Variants in NRG1 observed in about 807,000 individuals in gnomAD.
NRG1 encodes pro-neuregulin-1, membrane-bound isoform.
In NRG1, 18 loss-of-function variants were observed where a neutral mutation model predicts 63.8. The ratio of observed to expected loss-of-function variants is 0.28; its 90% CI spans 0.19 to 0.42. The LOEUF (loss-of-function observed/expected upper bound fraction) is 0.42. NRG1 is among the 10% of genes least tolerant of loss of function. The pLI, the probability that NRG1 is intolerant of heterozygous loss-of-function variation, is 1.00. For synonymous variants in NRG1, 302 were observed against 301.3 expected (o/e 1.00, Z -0.02); for missense variants, 762 against 814.7 (o/e 0.94, Z 0.79).
intron 1 of NRG1, among the ~76,000 whole-genome samples, chr8:32,210,197 G>GT (rs1844548960): frequency 6.6e-6 from 1 of 151,972 alleles, no homozygotes; most frequent in Non-Finnish European, 1.5e-5. Context: ...ACCCAAAGAG[G>GT]TTTTTTTGTG....
chr8:32,548,847 G>A (rs368932384), intron 1 of NRG1, 21 bp downstream of exon 1: 29 of 1,542,876 alleles, frequency 1.9e-5, no homozygotes, highest in African/African-American at 2.7e-5. Context: ...AGCGCGGCCC[G>A]GGCCCCACGA....
In NRG1 at chr8:32,319,972, C is replaced by A. The variant is rs1366274146; in HGVS notation, c.38-275856C>A. Among the ~76,000 whole-genome samples the A allele has an allele frequency of 5.3e-5, 8 of 152,026 alleles. No homozygotes were observed. In the East Asian group the frequency reaches 1.5e-3, roughly 29 times the overall value. On this transcript the variant is annotated intron_variant, in intron 1 of 10. Transcript: ENST00000519301. ...ACAAAATATAGTGCGTGACCTTAGC[C>A]CCAGGAGGAAGAATAGGATATGTGA...
chr8:31,715,692 C>T (rs952048955), intron 1 of NRG1, among the ~76,000 whole-genome samples: 2 of 151,936 alleles, frequency 1.3e-5, no homozygotes, highest in Non-Finnish European at 1.5e-5. Context: ...GTGTTGGGTG[C>T]GGGGAGCAAA....
intron 1 of NRG1, among the ~76,000 whole-genome samples, chr8:31,848,020 C>T (rs1826850708): frequency 6.6e-6 from 1 of 152,136 alleles, no homozygotes. Flanking sequence ...ATTCTAGACA[C>T]ATAAAACCTC....
At chr8:31,708,713 G>A (rs1274358421) in intron 1 of NRG1, among the ~76,000 whole-genome samples, 1 of 152,002 alleles carries the variant, frequency 6.6e-6, no homozygotes, top group Non-Finnish European at 1.5e-5. Flanking sequence ...CCAAAGTGCT[G>A]GGATTACAGG....
At chr8:32,159,335 C>A (rs1838545290) in intron 1 of NRG1, among the ~76,000 whole-genome samples, 1 of 150,488 alleles carries the variant, frequency 6.6e-6, no homozygotes, top group Non-Finnish European at 1.5e-5. Context: ...GAGATCGAGA[C>A]CATCCTGGCT....
intron 1 of NRG1, among the ~76,000 whole-genome samples, chr8:32,130,624 C>T (rs1050425514): frequency 1.3e-5 from 2 of 151,888 alleles, no homozygotes; most frequent in African/African-American, 4.8e-5. Context: ...GGAATCTATA[C>T]TGCGAGCTAA....
chr8:32,521,158 T>G (rs1674914404), intron 1 of NRG1, among the ~76,000 whole-genome samples: 1 of 152,206 alleles, frequency 6.6e-6, no homozygotes, highest in Non-Finnish European at 1.5e-5. Context: ...CTATCCATGG[T>G]TTCTGGCATC....
chr8:32,706,406 A>G (rs2919381), intron 5 of NRG1, among the ~76,000 whole-genome samples: 63,411 of 152,054 alleles, frequency 0.42, 15,129 homozygotes, highest in South Asian at 0.62. Context: ...AGTTTTATCA[A>G]TTTATCTGAG....
intron 1 of NRG1, among the ~76,000 whole-genome samples, chr8:32,338,619 T>C (rs1586906203): frequency 6.6e-6 from 1 of 152,124 alleles, no homozygotes; most frequent in East Asian, 1.9e-4. Flanking sequence ...CTTTGGAGAA[T>C]CTTCATTCTC....
chr8:31,896,648 T>A (rs1169446773), intron 1 of NRG1, among the ~76,000 whole-genome samples: 1 of 152,218 alleles, frequency 6.6e-6, no homozygotes, highest in Non-Finnish European at 1.5e-5. Flanking sequence ...ATTCAGTTGA[T>A]CTGGGCCCTG....
chr8:31,956,277 T>C (rs1299669637), intron 1 of NRG1, among the ~76,000 whole-genome samples: 1 of 152,036 alleles, frequency 6.6e-6, no homozygotes, highest in African/African-American at 2.4e-5. Context: ...AATGTGAATG[T>C]GTAGGCACAG....
chr8:32,400,730 G>A (rs1191066222), intron 1 of NRG1, among the ~76,000 whole-genome samples: 18 of 152,170 alleles, frequency 1.2e-4, no homozygotes, highest in Admixed American at 1.1e-3. Flanking sequence ...GCAGCATGGC[G>A]ATTCCTCAAA....
chr8:32,692,274 G>A (rs555402404), intron 5 of NRG1, among the ~76,000 whole-genome samples: 1 of 152,226 alleles, frequency 6.6e-6, no homozygotes, highest in Non-Finnish European at 1.5e-5. Context: ...TTTCTAGCCT[G>A]CTGGATTCCA....
At chr8:31,814,466 T>A (rs1007297667) in intron 1 of NRG1, among the ~76,000 whole-genome samples, 1 of 152,142 alleles carries the variant, frequency 6.6e-6, no homozygotes, top group African/African-American at 2.4e-5. Flanking sequence ...AATTAGGTAA[T>A]GCATGTAAAA....
Position 31,848,013 on chromosome 8 carries a change from C to A in NRG1, c.37+208582C>A, listed in dbSNP as rs138210347. Among the ~76,000 whole-genome samples the A allele has an allele frequency of 1.6e-4, 25 of 152,280 alleles. No homozygotes were observed. In the East Asian group the frequency reaches 4.8e-3, roughly 29 times the overall value. The stretch of plus-strand genomic sequence containing the variant: ...ACTAGGGTTCCTAAATACTTTCATT[C>A]TAGACACATAAAACCTCTAGAAGAT... On this transcript the variant is annotated intron_variant, in intron 1 of 10. Transcript: ENST00000519301.
chr8:32,433,252 G>C (rs1818378920), intron 1 of NRG1, among the ~76,000 whole-genome samples: 1 of 152,158 alleles, frequency 6.6e-6, no homozygotes, highest in South Asian at 2.1e-4. Context: ...CAGAATGAAA[G>C]AGAAATGCAA....
chr8:31,872,826 T>C (rs1344997804), intron 1 of NRG1, among the ~76,000 whole-genome samples: 4 of 152,342 alleles, frequency 2.6e-5, no homozygotes, highest in Non-Finnish European at 4.4e-5. Flanking sequence ...AGTTAACACT[T>C]CTCATTGGTT....
intron 1 of NRG1, among the ~76,000 whole-genome samples, chr8:32,591,267 T>C (rs2466093): frequency 0.95 from 143,879 of 152,240 alleles, 68,516 homozygotes; most frequent in East Asian, 1. Context: ...TTAGAGTAGC[T>C]GTGAGCTTTT....
Sources: gnomAD v4.1 joint callset for allele counts (sites outside exome capture counted in the v4.1 genomes callset) on GRCh38, gnomAD v4.1.1 for gene constraint, MANE v1.5 for transcripts, NCBI Gene and HGNC (gene_info 2026-07-23, HGNC 2026-07-21) for gene names.